Variants in B4GALNT4 observed in about 807,000 individuals in gnomAD.
The protein encoded by B4GALNT4 is beta-1,4-N-acetyl-galactosaminyltransferase 4.
A neutral mutation model predicts 110.0 loss-of-function variants in B4GALNT4; 77 were observed. That is an observed-to-expected ratio of 0.70 (90% CI 0.58 to 0.85). The LOEUF (loss-of-function observed/expected upper bound fraction) is 0.85, where lower values mean the gene tolerates loss of function less well. Ranked by LOEUF, B4GALNT4 falls within the 40% of genes least tolerant of loss-of-function variation. B4GALNT4 has a pLI of 0.00. For synonymous variants in B4GALNT4, 785 were observed against 655.5 expected, an observed-to-expected ratio of 1.20 and a Z score of -3.02; for missense variants, 1,575 against 1,506.0, an observed-to-expected ratio of 1.05 and a Z score of -0.76.
intron 18 of B4GALNT4, 71 bp downstream of exon 18, chr11:380,516 C>A: frequency 6.6e-7 from 1 of 1,523,450 alleles, no homozygotes; most frequent in Non-Finnish European, 8.8e-7. Flanking sequence ...TCCAGGAACC[C>A]GGGGCCTCTC....
Position 380,019 on chromosome 11 carries a change from G to A in B4GALNT4, c.2642G>A (p.Arg881Gln). 1 of 1,611,554 alleles carries A rather than the reference G, an allele frequency of 6.2e-7. No homozygotes were observed. The highest frequency in any genetic ancestry group is 8.5e-7 in the Non-Finnish European group (1 of 1,178,832). Residue 881 changes from arginine to glutamine, a missense_variant and splice_region_variant, in exon 16 of 20, where the codon CGG (arginine) becomes CAG (glutamine). By Grantham distance (43) the Arg-to-Gln change is conservative. Coordinates refer to ENST00000329962, the MANE Select transcript of B4GALNT4 (RefSeq NM_178537.5). ...ERALRAARLPRYQYLRRTGNF... is the reference protein window; with the variant it reads ...ERALRAARLPQYQYLRRTGNF... ...GCCCTGCGCGCCGCGCGCCTGCCCC[G>A]GTAACGACCCCTACTTCCACCTGGG... is the stretch of plus-strand genomic sequence containing the variant.
Position 376,990 on chromosome 11 carries a change from C to CGGCCCGT in B4GALNT4, c.1869_1875dup (p.Thr626AlafsTer54). Reference sequence around the variant, plus strand: ...GGACTCAAACTTGTCCTCCGAAGCGCGGCCCGTGACCTCCTTCCTGAGCTT... The same window carrying CGGCCCGT: ...GGACTCAAACTTGTCCTCCGAAGCGCGGCCCGTGGCCCGTGACCTCCTTCCTGAGCTT... On this transcript the variant is annotated frameshift_variant, in exon 14 of 20. Coordinates refer to ENST00000329962, the MANE Select transcript of B4GALNT4 (RefSeq NM_178537.5). LOFTEE classifies it high-confidence loss of function. 1 of 1,455,090 alleles carries CGGCCCGT rather than the reference C, an allele frequency of 6.9e-7. No individual in the cohort carries two copies. The highest frequency in any genetic ancestry group is 9.0e-7 in the Non-Finnish European group (1 of 1,109,374). The allele number at this position is 1,455,090 out of a possible 1,614,324, so 90.1% of individuals were successfully genotyped here.
rs1181984333 is a variant in B4GALNT4, at chr11:375,649, C to T, written c.861C>T (p.Ala287=). ...AHISLYTDES[A]LKMDHVAHVP... Reference sequence around the variant, plus strand: ...CTCTTCTGCCCCCAGATGAGTCAGCCTTGAAGATGGACCACGTGGCGCACG... The same window carrying T: ...CTCTTCTGCCCCCAGATGAGTCAGCTTTGAAGATGGACCACGTGGCGCACG... The change falls in exon 10 of 20, where the codon GCC becomes GCT. Residue 287 remains alanine (A), a synonymous_variant. Coordinates refer to ENST00000329962, the MANE Select transcript of B4GALNT4 (RefSeq NM_178537.5). 3 of 1,592,122 alleles carry T rather than the reference C, an allele frequency of 1.9e-6. No individual in the cohort carries two copies. Among genetic ancestry groups the T allele is most frequent in the African/African-American group, 2.7e-5 (2 of 74,734 alleles).
At chr11:379,845 C>CCG (rs1554915767) in intron 15 of B4GALNT4, 21 bp from the exon 16 acceptor site, 1 of 1,578,192 alleles carries the variant, frequency 6.3e-7, no homozygotes, top group African/African-American at 1.3e-5. Context: ...CTCAGCGCCC[C>CCG]CCCCGCCTTT....
intron 18 of B4GALNT4, 132 bp downstream of exon 18, chr11:380,577 A>C: frequency 7.3e-7 from 1 of 1,361,678 alleles, no homozygotes; most frequent in Non-Finnish European, 1.0e-6. Context: ...CGTAGTGCCC[A>C]GAGCCCCAGT....
chr11:377,661 G>T (rs775265413), intron 14 of B4GALNT4, among the ~76,000 whole-genome samples: 8 of 152,230 alleles, frequency 5.3e-5, no homozygotes, highest in Non-Finnish European at 8.8e-5. Flanking sequence ...AGCGTCAGTC[G>T]CATCCAGTTG....
Position 375,951 on chromosome 11 carries a change from C to CA in B4GALNT4, c.1092dup (p.Phe365IlefsTer40), listed in dbSNP as rs1846737799. On this transcript the variant is annotated frameshift_variant, in exon 11 of 20. Transcript: ENST00000329962. LOFTEE classifies it high-confidence loss of function. ...CCCGATCGCCAGATACCAGGGCCTG[C>CA]AATTTGTGAGTGCGGCTGGAGACCC... 6.2e-7 allele frequency: 1 copy of CA among 1,611,506 alleles called. No homozygotes were observed. Among genetic ancestry groups the CA allele is most frequent in the Admixed American group, 1.7e-5 (1 of 59,902 alleles).
chr11:373,639 C>T, intron 7 of B4GALNT4, 111 bp from the exon 8 acceptor site: 1 of 1,518,924 alleles, frequency 6.6e-7, no homozygotes, highest in Non-Finnish European at 9.1e-7. Flanking sequence ...GCCAAGCTGC[C>T]ATCCTCCTGA....
At chr11:375,589 A>T (rs1370996829) in intron 9 of B4GALNT4, 50 bp from the exon 10 acceptor site, 1 of 1,601,816 alleles carries the variant, frequency 6.2e-7, no homozygotes, top group Admixed American at 1.7e-5. Context: ...TGTGAGTGGG[A>T]AGAGTGGAGG....
At chr11:381,208 G>A in intron 19 of B4GALNT4, 1 of 919,494 alleles carries the variant, frequency 1.1e-6, no homozygotes, top group African/African-American at 1.8e-5. Context: ...TAGGCCCTGG[G>A]TGGCCCTGAG....
chr11:379,310 C>A, intron 14 of B4GALNT4, 108 bp from the exon 15 acceptor site: 3 of 1,255,052 alleles, frequency 2.4e-6, no homozygotes, highest in Non-Finnish European at 1.0e-6. Flanking sequence ...GAGCCCGCAG[C>A]CTCCGCCAAC....
intron 8 of B4GALNT4, 130 bp downstream of exon 8, chr11:373,958 G>A (rs1846672880): frequency 1.1e-6 from 1 of 911,274 alleles, no homozygotes; most frequent in Non-Finnish European, 1.7e-6. Flanking sequence ...CTGAGGTCAG[G>A]AGGGTCTGCT....
Position 377,126 on chromosome 11 carries a change from C to T in B4GALNT4, c.2003C>T (p.Ala668Val), listed in dbSNP as rs1211115506. ...GCGTCGGAGGACAGCGAGGAGGCCG[C>T]GGGCCCGGCGCTCGGACGCTGGCGT... ...EAASEDSEEA[A>V]GPALGRWRED... The change falls in exon 14 of 20, where the codon GCG becomes GTG. Residue 668 changes from alanine (A) to valine (V), a missense_variant. Transcript: ENST00000329962. 7 of 1,503,816 alleles carry T rather than the reference C, an allele frequency of 4.7e-6. No homozygotes were observed. The highest frequency in any genetic ancestry group is 1.4e-5 in the African/African-American group (1 of 69,508). The allele number at this position is 1,503,816 out of a possible 1,614,324, so 93.2% of individuals were successfully genotyped here. A position where few individuals can be genotyped will look rare whatever the true frequency, so the allele number is the denominator to read the frequency against.
chr11:377,438 G>C, intron 14 of B4GALNT4, 111 bp downstream of exon 14: 1 of 1,208,956 alleles, frequency 8.3e-7, no homozygotes, highest in Non-Finnish European at 1.1e-6. Flanking sequence ...GCCCAGTGGT[G>C]TACCGGCCTG....
At position 373,108 on chromosome 11, in the gene B4GALNT4, C is replaced by G. The variant is rs764011918; in HGVS notation, c.527C>G (p.Ala176Gly). Residue 176 changes from alanine (A) to glycine (G), a missense_variant, in exon 5 of 20, where the codon GCG becomes GGG. Coordinates refer to ENST00000329962, the MANE Select transcript of B4GALNT4 (RefSeq NM_178537.5). ...CGTATTTTTGGTTTCATCCACCCGG[C>G]GAGGGACGGTACGGGGGTGAGGGTG... Reference protein sequence around the residue: ...GLRIFGFIHPARDGDVQFSVA... With the variant: ...GLRIFGFIHPGRDGDVQFSVA... 1.2e-6 allele frequency: 2 copies of G among 1,612,466 alleles called. No homozygotes were observed. The highest frequency in any genetic ancestry group is 4.5e-5 in the East Asian group (2 of 44,856).
At position 379,636 on chromosome 11, in the gene B4GALNT4, C is replaced by G. The variant is rs1393448808; in HGVS notation, c.2423C>G (p.Pro808Arg). ...GCCTCCGTGCGCCCCGACGGCCGCCCCGAGCTCTGCCGGCCACTGCGCCTG... is the reference window on the plus strand; with the variant it reads ...GCCTCCGTGCGCCCCGACGGCCGCCGCGAGCTCTGCCGGCCACTGCGCCTG... ...PAASVRPDGR[P>R]ELCRPLRLAW... The change falls in exon 15 of 20, where the codon CCC (proline) becomes CGC (arginine). Residue 808 changes from proline (P) to arginine (R), a missense_variant. By Grantham distance (103) the Pro-to-Arg change is moderately radical (BLOSUM62 -2). Coordinates refer to ENST00000329962, the MANE Select transcript of B4GALNT4 (RefSeq NM_178537.5). 6.6e-7 allele frequency: 1 copy of G among 1,509,874 alleles called. No individual in the cohort carries two copies. Among genetic ancestry groups the G allele is most frequent in the South Asian group, 1.3e-5 (1 of 76,694 alleles). 93.5% of individuals were successfully genotyped at this position (1,509,874 alleles called of 1,614,324 possible).
Position 373,772 on chromosome 11 carries a change from T to G in B4GALNT4, c.727T>G (p.Tyr243Asp). ...CAGGCTCATGGCCTCCCGGAGGTAC[T>G]ACTTTGAGTTGCTGCACAAGCAGGA... ...PRRLMASRRY[Y>D]FELLHKQDDR... Residue 243 changes from tyrosine to aspartate, a missense_variant, in exon 8 of 20, where the codon TAC becomes GAC. Coordinates refer to ENST00000329962, the MANE Select transcript of B4GALNT4 (RefSeq NM_178537.5). The G allele has an allele frequency of 6.2e-7, 1 of 1,612,354 alleles. No individual in the cohort carries two copies. Among genetic ancestry groups the G allele is most frequent in the Middle Eastern group, 1.7e-4 (1 of 6,060 alleles).
At chr11:379,819 G>T (rs1846834466) in intron 15 of B4GALNT4, 47 bp from the exon 16 acceptor site, 2 of 1,548,588 alleles carry the variant, frequency 1.3e-6, no homozygotes, top group African/African-American at 1.4e-5. Context: ...AGGCCCCACC[G>T]TAGAGTCAGC....
At chr11:373,878 C>T in intron 8 of B4GALNT4, 50 bp downstream of exon 8, 3 of 1,573,998 alleles carry the variant, frequency 1.9e-6, no homozygotes, top group South Asian at 1.1e-5. Flanking sequence ...CTCCCCCCAC[C>T]TCCCTGCAGG....
Sources: gnomAD v4.1 joint callset for allele counts (sites outside exome capture counted in the v4.1 genomes callset) on GRCh38, gnomAD v4.1.1 for gene constraint, MANE v1.5 for transcripts, NCBI Gene and HGNC (gene_info 2026-07-23, HGNC 2026-07-21) for gene names.